The following PRKD1 variants were observed in gnomAD, a reference collection of about 807,000 sequenced individuals.
PRKD1 encodes the protein protein kinase D1.
Under a neutral mutation model 95.9 loss-of-function variants are expected in PRKD1, and 63 were observed. The observed-to-expected ratio is 0.66, with a 90% confidence interval of 0.54 to 0.81. The LOEUF (loss-of-function observed/expected upper bound fraction) is 0.81, where lower values mean the gene tolerates loss of function less well. Ranked by LOEUF, PRKD1 falls within the 30% of genes least tolerant of loss-of-function variation. The pLI is 0.00. For synonymous variants in PRKD1, 425 were observed against 423.1 expected, an observed-to-expected ratio of 1.00 and a Z score of -0.05; for missense variants, 1,048 against 1,165.3, an observed-to-expected ratio of 0.90 and a Z score of 1.47.
chr14:29,591,765 C>T (rs907894735), intron 16 of PRKD1, among the ~76,000 whole-genome samples: 4 of 152,118 alleles, frequency 2.6e-5, no homozygotes, highest in African/African-American at 7.2e-5. Context: ...CACACCCCTG[C>T]GACCTACTTC....
chr14:29,832,058 T>C (rs1447038484), intron 1 of PRKD1, among the ~76,000 whole-genome samples: 1 of 152,190 alleles, frequency 6.6e-6, no homozygotes, highest in African/African-American at 2.4e-5. Context: ...GTGGATATAT[T>C]AGCACACATC....
chr14:29,867,433 C>T (rs889627818), intron 1 of PRKD1, among the ~76,000 whole-genome samples: 1 of 152,142 alleles, frequency 6.6e-6, no homozygotes, highest in Non-Finnish European at 1.5e-5. Flanking sequence ...CGTGCAAAGG[C>T]TCAACTGAGA....
intron 1 of PRKD1, among the ~76,000 whole-genome samples, chr14:29,793,632 A>G (rs1889667902): frequency 6.6e-6 from 1 of 152,072 alleles, no homozygotes; most frequent in African/African-American, 2.4e-5. Flanking sequence ...TCTTATTCAA[A>G]TAGGAAGAGA....
intron 1 of PRKD1, among the ~76,000 whole-genome samples, chr14:29,748,600 A>T (rs889752752): frequency 6.6e-6 from 1 of 152,218 alleles, no homozygotes; most frequent in East Asian, 1.9e-4. Context: ...GCATATGTTT[A>T]CTTGAAGCCC....
chr14:29,821,522 CAAGTT>C (rs1890910174), intron 1 of PRKD1, among the ~76,000 whole-genome samples: 1 of 152,136 alleles, frequency 6.6e-6, no homozygotes, highest in Non-Finnish European at 1.5e-5. Context: ...AGACAGAGTT[CAAGTT>C]AAGTTCTCAT....
chr14:29,855,875 G>T (rs1938029437), intron 1 of PRKD1, among the ~76,000 whole-genome samples: 1 of 152,142 alleles, frequency 6.6e-6, no homozygotes, highest in African/African-American at 2.4e-5. Context: ...GACGTGACTT[G>T]TTCCTTCTTG....
chr14:29,866,108 C>T, intron 1 of PRKD1, among the ~76,000 whole-genome samples: 1 of 151,608 alleles, frequency 6.6e-6, no homozygotes, highest in Non-Finnish European at 1.5e-5. Context: ...ATAAATCATT[C>T]TGAAATTTCA....
At chr14:29,924,485 T>C (rs1182090906) in intron 1 of PRKD1, among the ~76,000 whole-genome samples, 1 of 152,206 alleles carries the variant, frequency 6.6e-6, no homozygotes, top group Non-Finnish European at 1.5e-5. Context: ...GTGATGTTAC[T>C]GAAACTGTCA....
chr14:29,597,097 A>G (rs1893334433), intron 16 of PRKD1, among the ~76,000 whole-genome samples: 1 of 152,168 alleles, frequency 6.6e-6, no homozygotes. Context: ...GTATACTAAC[A>G]TATGTTATAT....
intron 13 of PRKD1, among the ~76,000 whole-genome samples, chr14:29,605,564 C>G (rs1009204246): frequency 9.2e-5 from 14 of 152,210 alleles, no homozygotes; most frequent in Non-Finnish European, 2.1e-4. Flanking sequence ...TCTCTACTCT[C>G]AGAGTCTTTG....
At chr14:29,725,336 T>A (rs1476111630) in intron 2 of PRKD1, among the ~76,000 whole-genome samples, 200 bp downstream of exon 2, 1 of 152,170 alleles carries the variant, frequency 6.6e-6, no homozygotes, top group Non-Finnish European at 1.5e-5. Flanking sequence ...GAGACGTGAT[T>A]GGAGCAGTAC....
chr14:29,820,988 G>T (rs911489349), intron 1 of PRKD1, among the ~76,000 whole-genome samples: 3 of 152,126 alleles, frequency 2.0e-5, no homozygotes, highest in Non-Finnish European at 2.9e-5. Context: ...TTAAACTCTG[G>T]AAGTCATTAA....
At chr14:29,648,897 G>A (rs2093471) in intron 4 of PRKD1, among the ~76,000 whole-genome samples, 50,746 of 151,894 alleles carry the variant, frequency 0.33, 8,591 homozygotes, top group African/African-American at 0.37. Flanking sequence ...CTCGTGATCC[G>A]CCCGCCTTGG....
At chr14:29,673,951 TCTC>T (rs1340751535) in intron 2 of PRKD1, among the ~76,000 whole-genome samples, 1 of 152,118 alleles carries the variant, frequency 6.6e-6, no homozygotes, top group Non-Finnish European at 1.5e-5. Flanking sequence ...TTACTTCACC[TCTC>T]TGAACCTCAG....
chr14:29,831,709 TCTTA>T (rs1488555981), intron 1 of PRKD1, among the ~76,000 whole-genome samples: 1 of 152,152 alleles, frequency 6.6e-6, no homozygotes, highest in African/African-American at 2.4e-5. Context: ...GTTTTCAAGT[TCTTA>T]CTCTCTTTTG....
intron 1 of PRKD1, among the ~76,000 whole-genome samples, chr14:29,903,718 G>A (rs1455040337): frequency 1.3e-5 from 2 of 151,942 alleles, no homozygotes; most frequent in Non-Finnish European, 2.9e-5. Context: ...TGACAACTGA[G>A]GAACAAAAAA....
chr14:29,804,312 A>G (rs1890149297), intron 1 of PRKD1, among the ~76,000 whole-genome samples: 1 of 152,174 alleles, frequency 6.6e-6, no homozygotes, highest in South Asian at 2.1e-4. Flanking sequence ...CCCAAGAGTA[A>G]ACTGTTCAAA....
In PRKD1 at chr14:29,577,392, T is replaced by G. The variant is rs1306586778; in HGVS notation, c.2585A>C (p.His862Pro). ...ECKIGERYIT[H>P]ESDDLRWEKY... ...CTCCCACCTCAGGTCATCACTTTCA[T>G]GGGTGATGTAGCGCTCCCCGATTTT... The change falls in exon 18 of 18, where the codon CAT becomes CCT. Residue 862 changes from histidine to proline, a missense_variant. Transcript: ENST00000331968. 2.5e-6 allele frequency: 4 copies of G among 1,613,824 alleles called. No homozygotes were observed. The highest frequency in any genetic ancestry group is 3.4e-6 in the Non-Finnish European group (4 of 1,179,808).
At chr14:29,870,431 A>T (rs563292212) in intron 1 of PRKD1, among the ~76,000 whole-genome samples, 6 of 152,364 alleles carry the variant, frequency 3.9e-5, no homozygotes, top group African/African-American at 1.4e-4. Flanking sequence ...TGCCTTGATA[A>T]GCATGGTAAT....
Sources: gnomAD v4.1 joint callset for allele counts (sites outside exome capture counted in the v4.1 genomes callset) on GRCh38, gnomAD v4.1.1 for gene constraint, MANE v1.5 for transcripts, NCBI Gene and HGNC (gene_info 2026-07-23, HGNC 2026-07-21) for gene names.